The following RBPMS variants were observed in gnomAD, a reference collection of about 807,000 sequenced individuals.
RBPMS encodes the protein RNA-binding protein with multiple splicing.
Under a neutral mutation model 26.8 loss-of-function variants are expected in RBPMS, and 7 were observed. The ratio of observed to expected loss-of-function variants is 0.26; its 90% CI spans 0.15 to 0.49. RBPMS has a LOEUF of 0.49. Among genes scored for constraint, RBPMS ranks in the 20% least tolerant of loss-of-function variants. The probability of loss-of-function intolerance (pLI) is 0.98; values close to 1 mark genes in which losing one functional copy is unlikely to be tolerated. For missense variants in RBPMS, 186 were observed against 250.0 expected (o/e 0.74, Z 1.73); for synonymous variants, 96 against 93.3 (o/e 1.03, Z -0.17).
chr8:30,494,327 C>G (rs151015507), intron 4 of RBPMS, among the ~76,000 whole-genome samples: 233 of 152,258 alleles, frequency 1.5e-3, no homozygotes, highest in Admixed American at 3.0e-3. Context: ...CCAAAAAAGC[C>G]AAAGGAGAAG....
At chr8:30,478,761 G>C (rs1817972417) in intron 3 of RBPMS, among the ~76,000 whole-genome samples, 1 of 152,202 alleles carries the variant, frequency 6.6e-6, no homozygotes, top group Non-Finnish European at 1.5e-5. Context: ...GCCTCCCAAA[G>C]TACTGGGATT....
chr8:30,454,290 CTTATTCAT>C (rs1814945483), intron 1 of RBPMS, among the ~76,000 whole-genome samples: 1 of 152,180 alleles, frequency 6.6e-6, no homozygotes, highest in Non-Finnish European at 1.5e-5. Context: ...AACTTATTAA[CTTATTCAT>C]ACTATTGTCT....
chr8:30,557,844 G>A (rs981552762), intron 6 of RBPMS, among the ~76,000 whole-genome samples: 1 of 152,224 alleles, frequency 6.6e-6, no homozygotes, highest in Non-Finnish European at 1.5e-5. Flanking sequence ...GACAAACGGC[G>A]CTTGCCCTTT....
intron 1 of RBPMS, among the ~76,000 whole-genome samples, chr8:30,423,658 G>T (rs1196721919): frequency 1.3e-5 from 2 of 151,860 alleles, no homozygotes; most frequent in Non-Finnish European, 2.9e-5. Flanking sequence ...GGTTGGGGGT[G>T]GGGAGGGGAG....
At chr8:30,529,220 A>G (rs1167679007) in intron 5 of RBPMS, among the ~76,000 whole-genome samples, 2 of 147,936 alleles carry the variant, frequency 1.4e-5, no homozygotes, top group African/African-American at 4.9e-5. Context: ...TGTCTCAAGG[A>G]AAAAAAAAAA....
chr8:30,561,124 TTTAA>T (rs971459337), intron 7 of RBPMS, among the ~76,000 whole-genome samples: 5 of 152,186 alleles, frequency 3.3e-5, no homozygotes, highest in African/African-American at 9.7e-5. Flanking sequence ...TTTTAAAATG[TTTAA>T]TTATTTTGTG....
chr8:30,500,271 T>C (rs1215910384), intron 4 of RBPMS, among the ~76,000 whole-genome samples: 1 of 152,070 alleles, frequency 6.6e-6, no homozygotes, highest in African/African-American at 2.4e-5. Flanking sequence ...CTTACACAGA[T>C]AGAGAAGTAT....
At chr8:30,449,517 C>T (rs1322913705) in intron 1 of RBPMS, among the ~76,000 whole-genome samples, 6 of 152,072 alleles carry the variant, frequency 3.9e-5, no homozygotes, top group Non-Finnish European at 7.4e-5. Context: ...ATTATAGGCA[C>T]CCGCCACCAT....
At chr8:30,484,405 A>T (rs574227576) in intron 4 of RBPMS, among the ~76,000 whole-genome samples, 12 of 152,318 alleles carry the variant, frequency 7.9e-5, no homozygotes, top group Admixed American at 6.5e-4. Context: ...CCTGTCAATA[A>T]GTAACAGAAG....
chr8:30,504,340 G>A lies in RBPMS; in HGVS notation c.301G>A (p.Ala101Thr). Reference protein sequence around the residue: ...PQTLRLEFAKANTKMAKNKLV... With the variant: ...PQTLRLEFAKTNTKMAKNKLV... ...AACACTACGACTAGAGTTTGCTAAGGCAAACACGAAGATGGCCAAGAACAA... is the reference window on the plus strand; with the variant it reads ...AACACTACGACTAGAGTTTGCTAAGACAAACACGAAGATGGCCAAGAACAA... The change falls in exon 5 of 9, where the codon GCA becomes ACA. Residue 101 changes from alanine to threonine, a missense_variant. Coordinates refer to ENST00000397323, the MANE Select transcript of RBPMS (RefSeq NM_001008710.3). 1 of 1,614,160 alleles carries A rather than the reference G, an allele frequency of 6.2e-7. No homozygotes were observed. The highest frequency in any genetic ancestry group is 8.5e-7 in the Non-Finnish European group (1 of 1,180,012).
At chr8:30,430,251 A>G (rs201174403) in intron 1 of RBPMS, among the ~76,000 whole-genome samples, 2 of 142,708 alleles carry the variant, frequency 1.4e-5, no homozygotes, top group South Asian at 2.2e-4. Flanking sequence ...TGGATAGATA[A>G]ATAAATTAAA....
chr8:30,506,361 C>T (rs1821072979), intron 5 of RBPMS, among the ~76,000 whole-genome samples: 2 of 147,486 alleles, frequency 1.4e-5, no homozygotes. Flanking sequence ...AAAAAAAATC[C>T]AAGCAGCCAG....
chr8:30,479,666 G>A (rs1016764625), intron 4 of RBPMS, among the ~76,000 whole-genome samples: 2 of 152,138 alleles, frequency 1.3e-5, no homozygotes, highest in Non-Finnish European at 2.9e-5. Context: ...ATCCAATGGT[G>A]GTGCGTAGTG....
rs537215423 is a variant in RBPMS, at chr8:30,559,531, GCTTCAGAGAACTA to G, written c.*7+577_*7+589del. Among the ~76,000 whole-genome samples the G allele has an allele frequency of 1.3e-3, 201 of 152,302 alleles. 2 individuals carry two copies. The highest frequency in any genetic ancestry group is 0.012 in the South Asian group (59 of 4,826). ...TTTGTGCCATTTTAGGCCTAACGTT[GCTTCAGAGAACTA>G]CCAAATGCCTTTTCTCCATTTCTAC... On this transcript the variant is annotated intron_variant, in intron 7 of 8. Coordinates refer to ENST00000397323, the MANE Select transcript of RBPMS (RefSeq NM_001008710.3).
In RBPMS at chr8:30,524,955, A is replaced by G. The variant is rs1405538539; in HGVS notation, c.398-19539A>G. On this transcript the variant is annotated intron_variant, in intron 5 of 8. Transcript: ENST00000397323. Reference sequence around the variant, plus strand: ...GAATATTCCAAGTTTAGTCTATCATACCATTTTTGCTAGCACTTTATCAGT... The same window carrying G: ...GAATATTCCAAGTTTAGTCTATCATGCCATTTTTGCTAGCACTTTATCAGT... 2.6e-5 allele frequency among the ~76,000 whole-genome samples: 4 copies of G among 152,290 alleles called. No homozygotes were observed. The East Asian group carries it at 7.7e-4, about 29-fold the overall frequency.
chr8:30,410,718 C>CT lies in RBPMS; in HGVS notation c.66+25575dup, dbSNP rs33979972. 6.2e-3 allele frequency among the ~76,000 whole-genome samples: 811 copies of CT among 131,840 alleles called. 7 individuals carry two copies. The highest frequency in any genetic ancestry group is 0.016 in the African/African-American group (582 of 35,848). The allele number at this position is 131,840 out of a possible 152,430, so 86.5% of individuals were successfully genotyped here. A position where few individuals can be genotyped will look rare whatever the true frequency, so the allele number is the denominator to read the frequency against. ...ACTGACATTGAAATTTTCTTTTTTC[C>CT]TTTTTTTTTTTTTTTGTTTGTTTTG... On this transcript the variant is annotated intron_variant, in intron 1 of 8. Transcript: ENST00000397323.
chr8:30,445,790 CTCCTGAGTAGCG>C, intron 1 of RBPMS, among the ~76,000 whole-genome samples: 1 of 151,822 alleles, frequency 6.6e-6, no homozygotes, highest in Middle Eastern at 3.4e-3. Flanking sequence ...TCACCTTAGC[CTCCTGAGTAGCG>C]TGTAGTACAG....
intron 4 of RBPMS, among the ~76,000 whole-genome samples, chr8:30,484,804 C>T (rs1370591831): frequency 6.6e-6 from 1 of 152,090 alleles, no homozygotes; most frequent in Admixed American, 6.5e-5. Context: ...TCCATAAATT[C>T]CTGGCATTCA....
intron 4 of RBPMS, among the ~76,000 whole-genome samples, chr8:30,501,451 T>A (rs1376463951): frequency 1.3e-3 from 199 of 152,260 alleles, no homozygotes; most frequent in African/African-American, 4.4e-3. Flanking sequence ...ATGTTGTTTC[T>A]CAGCAGTGTC....
Sources: allele counts gnomAD v4.1 joint callset (sites outside exome capture counted in the v4.1 genomes callset), GRCh38; gene constraint gnomAD v4.1.1; transcripts MANE v1.5; gene names NCBI Gene and HGNC (gene_info 2026-07-23, HGNC 2026-07-21).